RMP64: variants seen among roughly 807,000 people sequenced by gnomAD.
The protein encoded by RMP64 is nucleolus and neural progenitor protein.
At chr3:113,010,271 G>A in the RMP64 span, among the ~76,000 whole-genome samples, 32 of 152,252 alleles carry the variant, frequency 2.1e-4, no homozygotes, top group South Asian at 1.5e-3. Context: ...ATAGAGGTAC[G>A]GAGAGATCAG....
At chr3:113,017,573 A>G in the RMP64 span, 1 of 1,614,078 alleles carries the variant, frequency 6.2e-7, no homozygotes, top group Non-Finnish European at 8.5e-7. Context: ...ACGAGATGGC[A>G]TTCTTTAATT....
chr3:113,015,798 C>T, the RMP64 span, among the ~76,000 whole-genome samples: 1 of 150,118 alleles, frequency 6.7e-6, no homozygotes, highest in South Asian at 2.1e-4. Context: ...ATAACTTTAC[C>T]ATGACACAGA....
At chr3:113,013,114 A>C in the RMP64 span, 1 of 739,476 alleles carries the variant, frequency 1.4e-6, no homozygotes, top group South Asian at 1.8e-5. Context: ...TGGCTGCATC[A>C]GGCAATTCCT....
the RMP64 span, chr3:113,003,189 T>TA: frequency 5.3e-5 from 8 of 152,050 alleles, no homozygotes; most frequent in Non-Finnish European, 4.4e-5. Flanking sequence ...ACAAAGTTTT[T>TA]AAAAAATTAG....
chr3:113,019,523 C>T, the RMP64 span: 3 of 1,593,800 alleles, frequency 1.9e-6, no homozygotes, highest in East Asian at 2.2e-5. Context: ...CCCCCATCCT[C>T]GCCCGGCGCC....
At chr3:113,008,361 T>C in the RMP64 span, 8 of 1,613,332 alleles carry the variant, frequency 5.0e-6, no homozygotes, top group Non-Finnish European at 6.8e-6. Context: ...GGAGTTCCTA[T>C]CACTTTCTGA....
the RMP64 span, chr3:113,015,021 C>T: frequency 2.6e-5 from 4 of 152,246 alleles, no homozygotes; most frequent in South Asian, 2.1e-4. Context: ...TCTTGAAAAC[C>T]GCTGTTAAAA....
chr3:113,019,530 C>A, the RMP64 span: 4 of 1,601,854 alleles, frequency 2.5e-6, no homozygotes, highest in African/African-American at 1.3e-5. Context: ...CCTCGCCCGG[C>A]GCCTCACTCA....
At chr3:113,014,282 C>A in the RMP64 span, 3 of 349,192 alleles carry the variant, frequency 8.6e-6, no homozygotes, top group African/African-American at 4.3e-5. Context: ...GTATATGCCA[C>A]AATGAGCTTG....
the RMP64 span, chr3:113,002,653 TAC>T: frequency 1.1e-5 from 1 of 91,228 alleles, no homozygotes; most frequent in South Asian, 4.5e-4. Context: ...GGCCAGGATT[TAC>T]AGTGTGTGTG....
the RMP64 span, chr3:113,005,388 A>G: frequency 1.6e-6 from 1 of 611,670 alleles, no homozygotes; most frequent in Non-Finnish European, 2.9e-6. Context: ...CTTTAAATGT[A>G]GACTGAACTG....
At chr3:113,008,250 G>T in the RMP64 span, 4 of 1,614,116 alleles carry the variant, frequency 2.5e-6, no homozygotes, top group Non-Finnish European at 3.4e-6. Context: ...TGAGCCTTGA[G>T]TTTTTTGCTC....
chr3:113,016,845 A>G, the RMP64 span, among the ~76,000 whole-genome samples: 1 of 152,226 alleles, frequency 6.6e-6, no homozygotes, highest in Non-Finnish European at 1.5e-5. Context: ...TACTTGCAGA[A>G]TTAAGTGAAT....
At chr3:113,008,987 T>C in the RMP64 span, among the ~76,000 whole-genome samples, 1 of 152,182 alleles carries the variant, frequency 6.6e-6, no homozygotes, top group South Asian at 2.1e-4. Context: ...TTTCACTTAT[T>C]TCCGTATCCT....
chr3:113,009,778 G>A, the RMP64 span, among the ~76,000 whole-genome samples: 1 of 152,084 alleles, frequency 6.6e-6, no homozygotes, highest in South Asian at 2.1e-4. Flanking sequence ...ATGACTTCAT[G>A]CATATAAAAG....
At chr3:113,008,037 G>A in the RMP64 span, 1 of 694,718 alleles carries the variant, frequency 1.4e-6, no homozygotes, top group East Asian at 2.6e-5. Context: ...AAATGCAATT[G>A]CAGTTTGAGT....
chr3:113,011,001 GTT>G, the RMP64 span: 1 of 1,508,904 alleles, frequency 6.6e-7, no homozygotes, highest in Non-Finnish European at 8.9e-7. Flanking sequence ...CTTTTTATTT[GTT>G]TTTTGTTTTA....
the RMP64 span, among the ~76,000 whole-genome samples, chr3:113,006,275 T>A: frequency 6.6e-6 from 1 of 152,210 alleles, no homozygotes; most frequent in Non-Finnish European, 1.5e-5. Context: ...AATGGCGAGA[T>A]ACCCTATACT....
the RMP64 span, chr3:113,019,293 C>CTT: frequency 2.8e-5 from 15 of 543,106 alleles, no homozygotes; most frequent in Non-Finnish European, 4.9e-5. Context: ...ACGGCTGAGC[C>CTT]TTGGTCTTTC....
Sources: gnomAD v4.1 joint callset for allele counts (sites outside exome capture counted in the v4.1 genomes callset) on GRCh38, gnomAD v4.1.1 for gene constraint, MANE v1.5 for transcripts, NCBI Gene and HGNC (gene_info 2026-07-23, HGNC 2026-07-21) for gene names.